The following MFAP5 variants were observed in gnomAD, a reference collection of about 807,000 sequenced individuals.
MFAP5 encodes the protein microfibril associated protein 5.
A neutral mutation model predicts 30.1 loss-of-function variants in MFAP5; 19 were observed. The observed-to-expected ratio is 0.63, with a 90% CI of 0.44 to 0.93. MFAP5 has a LOEUF of 0.93. MFAP5 is among the 40% of genes least tolerant of loss of function. The pLI is 0.00. For synonymous variants in MFAP5, 92 were observed against 72.9 expected (o/e 1.26, Z -1.33); for missense variants, 210 against 221.3 (o/e 0.95, Z 0.32).
chr12:8,649,700 A>G, intron 8 of MFAP5, 126 bp from the exon 9 acceptor site: 1 of 694,342 alleles, frequency 1.4e-6, no homozygotes, highest in Non-Finnish European at 2.5e-6. Context: ...GCTTTTCCCC[A>G]ACTGTATTTT....
At chr12:8,653,485 G>A (rs7953624) in intron 6 of MFAP5, among the ~76,000 whole-genome samples, 4,029 of 152,094 alleles carry the variant, frequency 0.026, 173 homozygotes, top group African/African-American at 0.092. Context: ...ACGTCTCTCT[G>A]GTTGGTTTTC....
intron 6 of MFAP5, among the ~76,000 whole-genome samples, chr12:8,653,198 A>G (rs1012014267): frequency 4.6e-5 from 7 of 151,694 alleles, no homozygotes; most frequent in Non-Finnish European, 1.0e-4. Context: ...GTGTCAAAAA[A>G]AAAAAAAAAG....
chr12:8,660,852 G>T lies in MFAP5; in HGVS notation c.94+11C>A. Reference sequence around the variant, plus strand: ...AACCCCAACAGAGCCGCTATCCAAGGGTTCACCTACCTCCTCGTTGACTAT... The same window carrying T: ...AACCCCAACAGAGCCGCTATCCAAGTGTTCACCTACCTCCTCGTTGACTAT... On this transcript the variant is annotated intron_variant, in intron 3 of 9. Transcript: ENST00000359478. 2 of 1,609,970 alleles carry T rather than the reference G, an allele frequency of 1.2e-6. No homozygotes were observed. The highest frequency in any genetic ancestry group is 1.7e-6 in the Non-Finnish European group (2 of 1,176,728).
chr12:8,647,986 G>A lies in MFAP5; in HGVS notation c.*105C>T, dbSNP rs969447406. ...AAAAGCTGGACATTGCAAAAGGATT[G>A]GTTTAAGAAATACTGTCTAAGGGTT... On this transcript the variant is annotated 3_prime_UTR_variant, in exon 10 of 10. Coordinates refer to ENST00000359478, the MANE Select transcript of MFAP5 (RefSeq NM_003480.4). The A allele has an allele frequency of 1.3e-6, 1 of 765,662 alleles. No homozygotes were observed. The highest frequency in any genetic ancestry group is 1.8e-5 in the African/African-American group (1 of 56,762). The allele number at this position is 765,662 out of a possible 1,614,324, so 47.4% of individuals were successfully genotyped here. A position where few individuals can be genotyped will look rare whatever the true frequency, so the allele number is the denominator to read the frequency against.
At chr12:8,656,668 A>ATTTTTTTTT (rs1555139703) in intron 3 of MFAP5, among the ~76,000 whole-genome samples, 2 of 118,804 alleles carry the variant, frequency 1.7e-5, no homozygotes, top group African/African-American at 7.1e-5. Context: ...ATATATATAT[A>ATTTTTTTTT]TTTTTTTTTT....
intron 5 of MFAP5, 131 bp downstream of exon 5, chr12:8,655,284 T>C: frequency 1.0e-6 from 1 of 970,116 alleles, no homozygotes; most frequent in Admixed American, 3.0e-5. Flanking sequence ...AGACTCCCTC[T>C]CAAAAACAAA....
rs1200077591 is a variant in MFAP5, at chr12:8,649,539, C to G, written c.371G>C (p.Cys124Ser). The change falls in exon 9 of 10, where the codon TGC becomes TCC. Residue 124 changes from cysteine to serine, a missense_variant. Physicochemically the swap from Cys to Ser is moderately radical, Grantham distance 112. Coordinates refer to ENST00000359478, the MANE Select transcript of MFAP5 (RefSeq NM_003480.4). ...RRMYIVNKEI[C>S]SRLVCKEHEA... ...GTGTTCCTTACAGACAAGACGAGAG[C>G]AGATCTCCTTGTTGACGATGTACAT... The G allele has an allele frequency of 1.2e-6, 2 of 1,614,062 alleles. No individual in the cohort carries two copies. The highest frequency in any genetic ancestry group is 4.5e-5 in the East Asian group (2 of 44,878).
chr12:8,650,427 G>A, intron 8 of MFAP5, 75 bp downstream of exon 8: 1 of 1,442,216 alleles, frequency 6.9e-7, no homozygotes, highest in Non-Finnish European at 9.7e-7. Context: ...TTCCATAGTG[G>A]GTGCTCATTA....
In MFAP5 at chr12:8,655,038, G is replaced by A. The variant is rs113348545; in HGVS notation, c.172+377C>T. On this transcript the variant is annotated intron_variant, in intron 5 of 9. Coordinates refer to ENST00000359478, the MANE Select transcript of MFAP5 (RefSeq NM_003480.4). ...AGGCTGGACGCTGTGGCTCATGCCT[G>A]TAATCCCAGCACTTTGGGAGGCTGA... Among the ~76,000 whole-genome samples the A allele has an allele frequency of 9.9e-3, 1,512 of 152,142 alleles. 24 individuals carry two copies. Among genetic ancestry groups the A allele is most frequent in the African/African-American group, 0.035 (1,441 of 41,482 alleles).
rs1052816742 is a variant in MFAP5 at position 8,646,239 on chromosome 12, A to T, written c.*1852T>A. ...TATATGCTTTGGGGCTTTTTGTAGC[A>T]TTTTTTTAAAATCAGTTGTACAGAT... On this transcript the variant is annotated 3_prime_UTR_variant, in exon 10 of 10. Transcript: ENST00000359478. 37 of 152,368 alleles carry T rather than the reference A, an allele frequency of 2.4e-4. No homozygotes were observed. The highest frequency in any genetic ancestry group is 8.9e-4 in the African/African-American group (37 of 41,548). 9.4% of individuals were successfully genotyped at this position (152,368 alleles called of 1,614,324 possible). A position where few individuals can be genotyped will look rare whatever the true frequency, so the allele number is the denominator to read the frequency against.
chr12:8,648,839 A>G (rs1314916058), intron 9 of MFAP5, among the ~76,000 whole-genome samples: 4 of 152,192 alleles, frequency 2.6e-5, no homozygotes, highest in Non-Finnish European at 2.9e-5. Context: ...GTTTTCACCA[A>G]CCACAGCCAT....
intron 9 of MFAP5, 47 bp from the exon 10 acceptor site, chr12:8,648,250 A>G: frequency 6.8e-7 from 1 of 1,479,612 alleles, no homozygotes; most frequent in Non-Finnish European, 9.4e-7. Flanking sequence ...AGAAGATAAC[A>G]AAGGCTCTTG....
intron 3 of MFAP5, among the ~76,000 whole-genome samples, chr12:8,656,625 T>TACAC (rs1223209541): frequency 0.021 from 2,530 of 121,210 alleles, 156 homozygotes; most frequent in African/African-American, 0.07. Context: ...TATACACACA[T>TACAC]ACACACACAC....
intron 2 of MFAP5, 28 bp from the exon 3 acceptor site, chr12:8,660,926 T>C (rs773254554): frequency 6.3e-7 from 1 of 1,593,824 alleles, no homozygotes; most frequent in Admixed American, 1.7e-5. Flanking sequence ...AAAAGAGATG[T>C]GAGTGACTGC....
intron 3 of MFAP5, among the ~76,000 whole-genome samples, chr12:8,657,362 T>A (rs1942030661): frequency 6.6e-6 from 1 of 151,786 alleles, no homozygotes; most frequent in African/African-American, 2.4e-5. Flanking sequence ...GAGGTGGCAG[T>A]GAGCTGAGAT....
At position 8,650,388 on chromosome 12, in the gene MFAP5, A is replaced by G. The variant is rs1591565323; in HGVS notation, c.335+114T>C. 1.3e-5 allele frequency: 12 copies of G among 940,426 alleles called. No individual in the cohort carries two copies. In the South Asian group the frequency reaches 1.7e-4, roughly 13 times the overall value. The allele number at this position is 940,426 out of a possible 1,614,324, so 58.3% of individuals were successfully genotyped here. A position where few individuals can be genotyped will look rare whatever the true frequency, so the allele number is the denominator to read the frequency against. Reference sequence around the variant, plus strand: ...CAGCAATAACTAGGAGGGTTGTGCTAAAAACTTTGGCCCCATCAAAGTTTG... The same window carrying G: ...CAGCAATAACTAGGAGGGTTGTGCTGAAAACTTTGGCCCCATCAAAGTTTG... On this transcript the variant is annotated intron_variant, in intron 8 of 9. Coordinates refer to ENST00000359478, the MANE Select transcript of MFAP5 (RefSeq NM_003480.4).
chr12:8,655,930 T>G, intron 3 of MFAP5, 100 bp from the exon 4 acceptor site: 2 of 982,832 alleles, frequency 2.0e-6, no homozygotes, highest in African/African-American at 1.6e-5. Context: ...CCCAGCGGAG[T>G]TGAGTATCCC....
chr12:8,662,000 A>G (rs1942164591), intron 2 of MFAP5, 47 bp downstream of exon 2: 3 of 1,557,762 alleles, frequency 1.9e-6, no homozygotes, highest in Non-Finnish European at 2.7e-6. Context: ...ACACACGTGT[A>G]TAGCTGAGGA....
At chr12:8,655,673 C>T (rs1941962419) in intron 4 of MFAP5, 113 bp downstream of exon 4, 2 of 1,280,072 alleles carry the variant, frequency 1.6e-6, no homozygotes, top group African/African-American at 3.0e-5. Flanking sequence ...TCTGCATGAG[C>T]TCAGAGCACC....
Sources: gnomAD v4.1 joint callset for allele counts (sites outside exome capture counted in the v4.1 genomes callset) on GRCh38, gnomAD v4.1.1 for gene constraint, MANE v1.5 for transcripts, NCBI Gene and HGNC (gene_info 2026-07-23, HGNC 2026-07-21) for gene names.